GRB10: variants seen among roughly 807,000 people sequenced by gnomAD.
GRB10 encodes growth factor receptor-bound protein 10.
GRB10 carries 20 observed loss-of-function variants against 80.9 expected under a neutral mutation model. The ratio of observed to expected loss-of-function variants is 0.25; its 90% CI spans 0.17 to 0.36. The LOEUF (loss-of-function observed/expected upper bound fraction) is 0.36. Among genes scored for constraint, GRB10 ranks in the 10% least tolerant of loss-of-function variants. The pLI is 1.00. For missense variants in GRB10, 548 were observed against 747.7 expected, an observed-to-expected ratio of 0.73 and a Z score of 3.12; for synonymous variants, 291 against 291.5, an observed-to-expected ratio of 1.00 and a Z score of 0.02.
chr7:50,644,808 C>A (rs184378038), intron 7 of GRB10, among the ~76,000 whole-genome samples: 6,014 of 152,270 alleles, frequency 0.039, 171 homozygotes, highest in Non-Finnish European at 0.061. Flanking sequence ...GCCCCATGAC[C>A]AAGAAGGTGT....
chr7:50,610,867 G>A (rs545888661), intron 13 of GRB10, among the ~76,000 whole-genome samples: 3 of 152,184 alleles, frequency 2.0e-5, no homozygotes, highest in East Asian at 1.9e-4. Context: ...TTATGTTAGC[G>A]CAACAAAGGA....
At chr7:50,747,810 A>T (rs1236821161) in intron 3 of GRB10, 1 of 152,582 alleles carries the variant, frequency 6.6e-6, no homozygotes, top group Non-Finnish European at 1.5e-5. Context: ...AGCGGAGTGG[A>T]GACCTCGGGC....
intron 11 of GRB10, among the ~76,000 whole-genome samples, chr7:50,615,214 G>A (rs570260405): frequency 3.3e-5 from 5 of 152,178 alleles, no homozygotes; most frequent in Admixed American, 3.3e-4. Flanking sequence ...TAAGAGCACA[G>A]GGCCTGTCTG....
At chr7:50,667,330 G>C (rs183687640) in intron 7 of GRB10, among the ~76,000 whole-genome samples, 1 of 152,126 alleles carries the variant, frequency 6.6e-6, no homozygotes, top group Non-Finnish European at 1.5e-5. Context: ...TCTTCCCTGT[G>C]AGCAAAGCCA....
intron 5 of GRB10, among the ~76,000 whole-genome samples, chr7:50,678,666 C>A (rs1215203647): frequency 5.9e-5 from 9 of 152,118 alleles, no homozygotes. Flanking sequence ...ATATTCTACA[C>A]CATTTTTTTT....
chr7:50,660,375 G>C (rs1014624203), intron 7 of GRB10, among the ~76,000 whole-genome samples: 1 of 152,132 alleles, frequency 6.6e-6, no homozygotes, highest in Non-Finnish European at 1.5e-5. Flanking sequence ...GTCCATGCAG[G>C]AAGTGGGGTG....
At chr7:50,610,972 C>T (rs2049405194) in intron 13 of GRB10, among the ~76,000 whole-genome samples, 1 of 151,368 alleles carries the variant, frequency 6.6e-6, no homozygotes, top group African/African-American at 2.4e-5. Context: ...GAGTATACTA[C>T]CACTTTCCTT....
At chr7:50,609,400 G>C (rs1036013354) in intron 13 of GRB10, among the ~76,000 whole-genome samples, 1 of 152,112 alleles carries the variant, frequency 6.6e-6, no homozygotes, top group African/African-American at 2.4e-5. Context: ...TGCTAATAAA[G>C]CATATTTTAT....
At chr7:50,599,161 C>T (rs1268909729) in intron 17 of GRB10, among the ~76,000 whole-genome samples, 1 of 152,064 alleles carries the variant, frequency 6.6e-6, no homozygotes, top group East Asian at 1.9e-4. Flanking sequence ...CGCGCACACG[C>T]TCAGCTGCAT....
intron 3 of GRB10, among the ~76,000 whole-genome samples, chr7:50,733,223 T>C (rs1271879964): frequency 1.1e-4 from 17 of 152,070 alleles, no homozygotes; most frequent in Middle Eastern, 3.2e-3. Flanking sequence ...AAAATGAACA[T>C]CTGCAAGCCA....
chr7:50,764,224 CAGGCCGCCTGA>C (rs1303009564), intron 2 of GRB10, among the ~76,000 whole-genome samples: 2 of 152,238 alleles, frequency 1.3e-5, no homozygotes, highest in Non-Finnish European at 2.9e-5. Context: ...CCTGAGGGAT[CAGGCCGCCTGA>C]CCCACTCCAG....
At chr7:50,596,921 T>C (rs1294794169) in intron 17 of GRB10, among the ~76,000 whole-genome samples, 1 of 152,282 alleles carries the variant, frequency 6.6e-6, no homozygotes, top group Non-Finnish European at 1.5e-5. Flanking sequence ...GCTGAAAAGA[T>C]AGTTATACAT....
intron 5 of GRB10, among the ~76,000 whole-genome samples, chr7:50,677,843 G>A (rs1045513544): frequency 6.6e-6 from 1 of 152,130 alleles, no homozygotes; most frequent in Non-Finnish European, 1.5e-5. Flanking sequence ...ACGTGCACAC[G>A]TGCGAACATG....
chr7:50,736,210 T>C (rs1044470993), intron 3 of GRB10, among the ~76,000 whole-genome samples: 4 of 152,110 alleles, frequency 2.6e-5, no homozygotes, highest in African/African-American at 9.7e-5. Flanking sequence ...TGCTTGAACC[T>C]GGGAGGTGGA....
chr7:50,743,094 C>A (rs1287248549), intron 3 of GRB10, among the ~76,000 whole-genome samples: 1 of 152,088 alleles, frequency 6.6e-6, no homozygotes, highest in Non-Finnish European at 1.5e-5. Flanking sequence ...TTTTAGAACA[C>A]CAATTTCCGC....
intron 4 of GRB10, among the ~76,000 whole-genome samples, chr7:50,725,625 C>T (rs1217229334): frequency 6.6e-6 from 1 of 152,096 alleles, no homozygotes; most frequent in Admixed American, 6.5e-5. Flanking sequence ...AGATAGATGG[C>T]AAAGGGAAAG....
intron 3 of GRB10, among the ~76,000 whole-genome samples, chr7:50,752,744 C>G (rs1022648307): frequency 1.6e-4 from 24 of 152,180 alleles, no homozygotes; most frequent in Non-Finnish European, 4.4e-5. Flanking sequence ...AGAGCTCTTT[C>G]CTTGAGGCTG....
At chr7:50,765,766 A>G (rs537222906) in intron 2 of GRB10, among the ~76,000 whole-genome samples, 1 of 152,338 alleles carries the variant, frequency 6.6e-6, no homozygotes, top group East Asian at 1.9e-4. Flanking sequence ...AATTAAATAA[A>G]TCAATAAGGT....
At chr7:50,687,138 C>G (rs57510315) in intron 5 of GRB10, among the ~76,000 whole-genome samples, 3,075 of 152,304 alleles carry the variant, frequency 0.02, 108 homozygotes, top group African/African-American at 0.07. Context: ...CCCAAACTCT[C>G]TGGAGGCTGC....
Sources: allele counts gnomAD v4.1 joint callset (sites outside exome capture counted in the v4.1 genomes callset), GRCh38; gene constraint gnomAD v4.1.1; transcripts MANE v1.5; gene names NCBI Gene and HGNC (gene_info 2026-07-23, HGNC 2026-07-21).